The following DLC1 variants were observed in gnomAD, a reference collection of about 807,000 sequenced individuals.
DLC1 encodes the protein rho GTPase-activating protein 7.
DLC1 carries 54 observed loss-of-function variants against 140.3 expected under a neutral mutation model. The observed-to-expected ratio is 0.38, with a 90% CI of 0.31 to 0.48. The LOEUF is 0.48. Among genes scored for constraint, DLC1 ranks in the 20% least tolerant of loss-of-function variants. DLC1 has a pLI of 0.96. For missense variants in DLC1, 2,536 were observed against 1,907.0 expected (o/e 1.33, Z -6.14); for synonymous variants, 986 against 728.1 (o/e 1.35, Z -5.70).
At chr8:13,307,580 G>A (rs182222002) in intron 4 of DLC1, among the ~76,000 whole-genome samples, 1 of 152,262 alleles carries the variant, frequency 6.6e-6, no homozygotes, top group East Asian at 1.9e-4. Flanking sequence ...TCGCTCTTTT[G>A]TGAAAAGTGA....
At chr8:13,429,747 T>G (rs917600416) in intron 2 of DLC1, among the ~76,000 whole-genome samples, 21 of 152,220 alleles carry the variant, frequency 1.4e-4, no homozygotes, top group Non-Finnish European at 2.9e-4. Flanking sequence ...TTTAAATAAT[T>G]CTTCTTGCTC....
chr8:13,558,031 G>A (rs1804113169), intron 1 of DLC1: 1 of 152,188 alleles, frequency 6.6e-6, no homozygotes, highest in African/African-American at 2.4e-5. Context: ...GAGCTGGCAA[G>A]CTCTGATTCA....
intron 17 of DLC1, 164 bp from the exon 18 acceptor site, chr8:13,086,095 T>C (rs1585556546): frequency 7.4e-7 from 1 of 1,360,062 alleles, no homozygotes; most frequent in African/African-American, 1.5e-5. Flanking sequence ...TAGAACCACA[T>C]TTTCTAAGGG....
chr8:13,284,333 C>T (rs961855720), intron 5 of DLC1, among the ~76,000 whole-genome samples: 6 of 152,244 alleles, frequency 3.9e-5, no homozygotes, highest in East Asian at 1.9e-4. Context: ...TCGAGACCAG[C>T]CTGACCAACA....
intron 5 of DLC1, among the ~76,000 whole-genome samples, chr8:13,153,141 T>TA (rs922484979): frequency 6.6e-6 from 1 of 152,212 alleles, no homozygotes; most frequent in African/African-American, 2.4e-5. Flanking sequence ...CAGTGAGTGT[T>TA]ACAGATCTTA....
At chr8:13,141,408 A>T (rs184474481) in intron 5 of DLC1, among the ~76,000 whole-genome samples, 41 of 152,274 alleles carry the variant, frequency 2.7e-4, no homozygotes, top group African/African-American at 8.2e-4. Flanking sequence ...ATACTAATAA[A>T]TCAATCCTGG....
At chr8:13,405,227 G>A (rs895432961) in intron 2 of DLC1, among the ~76,000 whole-genome samples, 3 of 152,130 alleles carry the variant, frequency 2.0e-5, no homozygotes, top group Non-Finnish European at 2.9e-5. Context: ...TCTGGGGTAT[G>A]ACTGATCCTG....
upstream of DLC1, chr8:13,515,735 C>T (rs1393733508): frequency 6.6e-6 from 1 of 152,162 alleles, no homozygotes; most frequent in Non-Finnish European, 1.5e-5. Context: ...TTTGGACTAC[C>T]ATTTGGTTTT....
intron 1 of DLC1, among the ~76,000 whole-genome samples, chr8:13,533,144 A>G (rs1313729992): frequency 1.3e-5 from 2 of 150,860 alleles, no homozygotes; most frequent in African/African-American, 5.0e-5. Flanking sequence ...ACCATGAAGT[A>G]AAACAAACAG....
chr8:13,530,468 T>C (rs1471730005), intron 1 of DLC1, among the ~76,000 whole-genome samples: 2 of 152,216 alleles, frequency 1.3e-5, no homozygotes, highest in Non-Finnish European at 2.9e-5. Flanking sequence ...TTTCATTCTC[T>C]GAAGACATAT....
chr8:13,370,582 G>C (rs781138717), intron 4 of DLC1, among the ~76,000 whole-genome samples: 1 of 152,156 alleles, frequency 6.6e-6, no homozygotes, highest in East Asian at 1.9e-4. Flanking sequence ...CCCATAAAGG[G>C]CCTAAGCATA....
chr8:13,483,769 T>C (rs1800844836), intron 2 of DLC1, among the ~76,000 whole-genome samples: 1 of 152,008 alleles, frequency 6.6e-6, no homozygotes, highest in African/African-American at 2.4e-5. Flanking sequence ...AAGGGAGAAG[T>C]ACAGATTTGC....
At chr8:13,124,949 A>G (rs994153866) in intron 5 of DLC1, among the ~76,000 whole-genome samples, 1 of 152,110 alleles carries the variant, frequency 6.6e-6, no homozygotes, top group Non-Finnish European at 1.5e-5. Flanking sequence ...TTTTATTTTA[A>G]AAGCTAACAT....
chr8:13,377,682 A>G (rs1001799024), intron 4 of DLC1, among the ~76,000 whole-genome samples: 4 of 151,704 alleles, frequency 2.6e-5, no homozygotes, highest in African/African-American at 9.7e-5. Context: ...ATATTTTCAT[A>G]ACATTACAAG....
intron 4 of DLC1, among the ~76,000 whole-genome samples, chr8:13,346,781 C>T (rs1834361730): frequency 6.6e-6 from 1 of 152,128 alleles, no homozygotes. Flanking sequence ...TTCCCTTTTC[C>T]CACTGTAGCA....
At chr8:13,485,489 C>G (rs529404765) in intron 2 of DLC1, among the ~76,000 whole-genome samples, 3 of 152,276 alleles carry the variant, frequency 2.0e-5, no homozygotes, top group African/African-American at 7.2e-5. Flanking sequence ...GGAACTCTAG[C>G]TTGGCACTGC....
At chr8:13,312,425 C>CCATG (rs1426061186) in intron 4 of DLC1, among the ~76,000 whole-genome samples, 1 of 145,134 alleles carries the variant, frequency 6.9e-6, no homozygotes, top group Non-Finnish European at 1.5e-5. Context: ...AGAAAGAGCC[C>CCATG]CATGACTGGG....
chr8:13,401,348 A>C, intron 3 of DLC1, 122 bp downstream of exon 3: 4 of 1,247,000 alleles, frequency 3.2e-6, no homozygotes, highest in Non-Finnish European at 4.4e-6. Context: ...TCTTTATGGT[A>C]CTGTACTGGG....
At chr8:13,527,125 T>C (rs1802943054) in intron 1 of DLC1, among the ~76,000 whole-genome samples, 1 of 152,208 alleles carries the variant, frequency 6.6e-6, no homozygotes, top group Non-Finnish European at 1.5e-5. Context: ...TTAAAGCTAC[T>C]GATCGATTGA....
Sources: gnomAD v4.1 joint callset for allele counts (sites outside exome capture counted in the v4.1 genomes callset) on GRCh38, gnomAD v4.1.1 for gene constraint, MANE v1.5 for transcripts, NCBI Gene and HGNC (gene_info 2026-07-23, HGNC 2026-07-21) for gene names.